Variants in ENPP1 observed in about 807,000 individuals in gnomAD.
ENPP1 encodes the protein ectonucleotide pyrophosphatase/phosphodiesterase 1.
A neutral mutation model predicts 122.8 loss-of-function variants in ENPP1; 73 were observed. The ratio of observed to expected loss-of-function variants is 0.59; its 90% CI spans 0.49 to 0.72. The LOEUF (loss-of-function observed/expected upper bound fraction) is 0.72. Among genes scored for constraint, ENPP1 ranks in the 30% least tolerant of loss-of-function variants. The pLI, the probability that ENPP1 is intolerant of heterozygous loss-of-function variation, is 0.00. For synonymous variants in ENPP1, 367 were observed against 391.6 expected (o/e 0.94, Z 0.74); for missense variants, 978 against 1,128.1 (o/e 0.87, Z 1.91).
Position 131,864,576 on chromosome 6 carries a change from G to A in ENPP1, c.1091+5G>A, listed in dbSNP as rs754410466. On this transcript the variant is annotated splice_donor_5th_base_variant and intron_variant, in intron 10 of 24. Coordinates refer to ENST00000647893, the MANE Select transcript of ENPP1 (RefSeq NM_006208.3). Reference sequence around the variant, plus strand: ...ACAGCTTCCTAAAGATGAAAGGTCTGTAGGCAATTAATTTCTATTGTAAAT... The same window carrying A: ...ACAGCTTCCTAAAGATGAAAGGTCTATAGGCAATTAATTTCTATTGTAAAT... 6.3e-7 allele frequency: 1 copy of A among 1,581,508 alleles called. No individual in the cohort carries two copies. Among genetic ancestry groups the A allele is most frequent in the South Asian group, 1.1e-5 (1 of 90,120 alleles).
At chr6:131,870,485 TTTTG>T (rs1407783062) in intron 13 of ENPP1, among the ~76,000 whole-genome samples, 6 of 152,118 alleles carry the variant, frequency 3.9e-5, no homozygotes, top group South Asian at 2.1e-4. Context: ...GTAGAGCAAA[TTTTG>T]TTTGTCTTTT....
At chr6:131,838,707 A>C (rs74327781) in intron 1 of ENPP1, among the ~76,000 whole-genome samples, 34 of 152,124 alleles carry the variant, frequency 2.2e-4, no homozygotes, top group African/African-American at 7.0e-4. Flanking sequence ...AGATAAGATT[A>C]CTCCTGGTTA....
At chr6:131,846,891 G>A (rs557415639) in intron 1 of ENPP1, among the ~76,000 whole-genome samples, 85 of 152,312 alleles carry the variant, frequency 5.6e-4, no homozygotes, top group African/African-American at 2.0e-3. Flanking sequence ...AGGGGTTGTA[G>A]GGTGTGTCCA....
At chr6:131,836,980 A>G (rs1781682079) in intron 1 of ENPP1, among the ~76,000 whole-genome samples, 1 of 152,174 alleles carries the variant, frequency 6.6e-6, no homozygotes, top group Non-Finnish European at 1.5e-5. Flanking sequence ...TTGAGCAGGT[A>G]GTGACAAGTA....
At chr6:131,876,711 A>G (rs1010446800) in intron 17 of ENPP1, among the ~76,000 whole-genome samples, 1 of 152,218 alleles carries the variant, frequency 6.6e-6, no homozygotes, top group Non-Finnish European at 1.5e-5. Flanking sequence ...TGTTAGTACC[A>G]TGATTGGCAA....
intron 7 of ENPP1, 127 bp downstream of exon 7, chr6:131,858,874 C>A: frequency 1.3e-6 from 1 of 751,362 alleles, no homozygotes; most frequent in South Asian, 1.5e-5. Flanking sequence ...AGTAAGGAAA[C>A]CCAGGTTCTG....
chr6:131,877,103 T>C lies in ENPP1; in HGVS notation c.1835T>C (p.Val612Ala), dbSNP rs1782239379. 2 of 1,613,968 alleles carry C rather than the reference T, an allele frequency of 1.2e-6. No homozygotes were observed. Among genetic ancestry groups the C allele is most frequent in the African/African-American group, 1.3e-5 (1 of 74,922 alleles). The change falls in exon 18 of 25, where the codon GTA becomes GCA. Residue 612 changes from valine (V) to alanine (A), a missense_variant. Physicochemically the swap from Val to Ala is moderately conservative, Grantham distance 64. Transcript: ENST00000647893. ...CATCCCAAAGAAGTGCACCCCCTGG[T>C]ACAGTGCCCCTTCACAAGAAACCCC... is the stretch of plus-strand genomic sequence containing the variant. ...PKHPKEVHPL[V>A]QCPFTRNPRD...
Position 131,808,082 on chromosome 6 carries a change from G to C in ENPP1, c.47G>C (p.Gly16Ala). ...CAGGGSRGGE[G>A]GRAPREGPAG... ...GGGGGCGGGAGCCGCGGCGGCGAGG[G>C]CGGGCGCGCTCCCCGGGAGGGCCCG... is the stretch of plus-strand genomic sequence containing the variant. The change falls in exon 1 of 25, where the codon GGC (glycine) becomes GCC (alanine). Residue 16 changes from glycine to alanine, a missense_variant. Gly to Ala is a moderately conservative substitution (Grantham distance 60). Coordinates refer to ENST00000647893, the MANE Select transcript of ENPP1 (RefSeq NM_006208.3). 9.4e-7 allele frequency: 1 copy of C among 1,066,408 alleles called. No individual in the cohort carries two copies. The highest frequency in any genetic ancestry group is 1.1e-6 in the Non-Finnish European group (1 of 882,808). 66.1% of individuals were successfully genotyped at this position (1,066,408 alleles called of 1,614,324 possible).
chr6:131,809,933 G>T (rs1781327363), intron 1 of ENPP1, among the ~76,000 whole-genome samples: 1 of 152,152 alleles, frequency 6.6e-6, no homozygotes, highest in African/African-American at 2.4e-5. Flanking sequence ...AGTGTCCTAG[G>T]ACTTACTTCC....
At chr6:131,834,226 T>C (rs1054864445) in intron 1 of ENPP1, among the ~76,000 whole-genome samples, 1 of 152,240 alleles carries the variant, frequency 6.6e-6, no homozygotes, top group African/African-American at 2.4e-5. Context: ...TAGGTGCTGG[T>C]TAAATTTTAT....
rs776620074 is a variant in ENPP1, at chr6:131,864,512, A to G, written c.1032A>G (p.Val344=). Residue 344 remains valine, a synonymous_variant, in exon 10 of 25, where the codon GTA becomes GTG. Coordinates refer to ENST00000647893, the MANE Select transcript of ENPP1 (RefSeq NM_006208.3). ...PDIYKMYNGS[V]PFEERILAVL... The stretch of plus-strand genomic sequence containing the variant: ...TGTTTGTTCTTCATTTTAGTTCAGT[A>G]CCATTTGAAGAAAGGATTTTAGCTG... 3.7e-6 allele frequency: 6 copies of G among 1,603,626 alleles called. No homozygotes were observed. The highest frequency in any genetic ancestry group is 5.1e-6 in the Non-Finnish European group (6 of 1,170,716).
At chr6:131,820,096 C>A in intron 1 of ENPP1, 1 of 464,870 alleles carries the variant, frequency 2.2e-6, no homozygotes. Context: ...AACCATCTTG[C>A]CCCCCTTCCC....
At position 131,868,076 on chromosome 6, in the gene ENPP1, A is replaced by G. The variant is rs1296619408; in HGVS notation, c.1223A>G (p.Lys408Arg). 1 of 1,613,846 alleles carries G rather than the reference A, an allele frequency of 6.2e-7. No homozygotes were observed. Among genetic ancestry groups the G allele is most frequent in the Non-Finnish European group, 8.5e-7 (1 of 1,179,848 alleles). ...GMVGMLMDGL[K>R]ELNLHRCLNL... ...GTTGGTATGCTGATGGATGGTCTGA[A>G]AGAGCTGAACTTGCACAGATGCCTG... The change falls in exon 12 of 25, where the codon AAA becomes AGA. Residue 408 changes from lysine to arginine, a missense_variant. Coordinates refer to ENST00000647893, the MANE Select transcript of ENPP1 (RefSeq NM_006208.3).
In ENPP1 at chr6:131,843,380, A is replaced by G. The variant is rs116692855; in HGVS notation, c.241-4396A>G. On this transcript the variant is annotated intron_variant, in intron 1 of 24. Coordinates refer to ENST00000647893, the MANE Select transcript of ENPP1 (RefSeq NM_006208.3). Reference sequence around the variant, plus strand: ...ATCAAGAACTTCTTTTTAATAATGAAGAGGTGATTTTTAAAAGTCAGCATG... The same window carrying G: ...ATCAAGAACTTCTTTTTAATAATGAGGAGGTGATTTTTAAAAGTCAGCATG... 6.6e-3 allele frequency among the ~76,000 whole-genome samples: 999 copies of G among 152,296 alleles called. 27 individuals carry two copies. The highest frequency in any genetic ancestry group is 0.023 in the African/African-American group (959 of 41,566).
At chr6:131,814,812 A>G (rs940018805) in intron 1 of ENPP1, among the ~76,000 whole-genome samples, 2 of 152,180 alleles carry the variant, frequency 1.3e-5, no homozygotes, top group African/African-American at 4.8e-5. Flanking sequence ...TATTTGTTTC[A>G]CATGTTCTAA....
chr6:131,835,121 AT>A (rs1335608227), intron 1 of ENPP1, among the ~76,000 whole-genome samples: 1 of 152,226 alleles, frequency 6.6e-6, no homozygotes, highest in Non-Finnish European at 1.5e-5. Flanking sequence ...TCTCTTTGTG[AT>A]TATGGTCACG....
intron 11 of ENPP1, among the ~76,000 whole-genome samples, chr6:131,866,954 C>T (rs147752381): frequency 2.0e-5 from 3 of 152,170 alleles, no homozygotes. Context: ...TCATTTTATA[C>T]TTGTTTATAA....
intron 2 of ENPP1, among the ~76,000 whole-genome samples, chr6:131,849,311 G>T (rs930919117): frequency 1.3e-5 from 2 of 152,144 alleles, no homozygotes; most frequent in Non-Finnish European, 2.9e-5. Flanking sequence ...ACCTAGTTAC[G>T]TGTGGAATTA....
intron 1 of ENPP1, chr6:131,828,431 G>T: frequency 3.3e-6 from 1 of 305,756 alleles, no homozygotes; most frequent in East Asian, 9.1e-5. Context: ...CCTTGTAGGA[G>T]GACAGAAATA....
Sources: gnomAD v4.1 joint callset for allele counts (sites outside exome capture counted in the v4.1 genomes callset) on GRCh38, gnomAD v4.1.1 for gene constraint, MANE v1.5 for transcripts, NCBI Gene and HGNC (gene_info 2026-07-23, HGNC 2026-07-21) for gene names.